Variants in TFAP2D observed in about 807,000 individuals in gnomAD.
TFAP2D encodes transcription factor AP-2-delta.
Under a neutral mutation model 43.6 loss-of-function variants are expected in TFAP2D, and 9 were observed. That is an observed-to-expected ratio of 0.21 (90% CI 0.12 to 0.36). The LOEUF (loss-of-function observed/expected upper bound fraction) is 0.36, where lower values mean the gene tolerates loss of function less well. Among genes scored for constraint, TFAP2D ranks in the 10% least tolerant of loss-of-function variants. The pLI is 1.00. For synonymous variants in TFAP2D, 256 were observed against 224.9 expected (o/e 1.14, Z -1.24); for missense variants, 513 against 561.4 (o/e 0.91, Z 0.87).
intron 1 of TFAP2D, 121 bp downstream of exon 1, chr6:50,714,215 C>T (rs879301725): frequency 1.8e-5 from 19 of 1,050,986 alleles, no homozygotes; most frequent in African/African-American, 3.3e-5. Context: ...TGGACCGTTA[C>T]GTTTAATTAT....
intron 7 of TFAP2D, among the ~76,000 whole-genome samples, chr6:50,755,852 T>C (rs889606518): frequency 5.9e-5 from 9 of 151,908 alleles, no homozygotes; most frequent in Non-Finnish European, 2.9e-5. Context: ...TGGGTAAACA[T>C]GTGTTAGCAT....
chr6:50,746,752 T>C (rs1769129946), intron 6 of TFAP2D, among the ~76,000 whole-genome samples: 1 of 152,194 alleles, frequency 6.6e-6, no homozygotes. Flanking sequence ...GTATATGGGA[T>C]ACTTGCCATC....
chr6:50,715,624 A>T lies in TFAP2D; in HGVS notation c.537+11A>T. 1.3e-6 allele frequency: 2 copies of T among 1,581,924 alleles called. No individual in the cohort carries two copies. The highest frequency in any genetic ancestry group is 2.3e-5 in the East Asian group (1 of 44,382). ...GCAGACGACTTGCAGGTAAATAAGC[A>T]TGCAGCGAATTTGTCTGCTCCCTCC... On this transcript the variant is annotated intron_variant, in intron 2 of 7. Transcript: ENST00000008391.
At chr6:50,763,835 T>C (rs2113893431) in intron 7 of TFAP2D, among the ~76,000 whole-genome samples, 1 of 152,244 alleles carries the variant, frequency 6.6e-6, no homozygotes. Flanking sequence ...AGAGCAGTGA[T>C]TGCCAGGAGC....
intron 3 of TFAP2D, among the ~76,000 whole-genome samples, chr6:50,722,438 T>G (rs1422810758): frequency 6.6e-6 from 1 of 152,128 alleles, no homozygotes; most frequent in Non-Finnish European, 1.5e-5. Flanking sequence ...AGGCATCTCT[T>G]GAAGAAATGA....
chr6:50,773,018 A>T lies in TFAP2D; in HGVS notation c.*154A>T. ...AAAAATGGAAATGAAAAATGAAACA[A>T]AAAAGGACAAAACCAAAAAAAAAAG... On this transcript the variant is annotated 3_prime_UTR_variant, in exon 8 of 8. Coordinates refer to ENST00000008391, the MANE Select transcript of TFAP2D (RefSeq NM_172238.4). The T allele has an allele frequency of 1.4e-6, 1 of 719,992 alleles. No homozygotes were observed. Among genetic ancestry groups the T allele is most frequent in the Non-Finnish European group, 2.2e-6 (1 of 464,864 alleles). 44.6% of individuals were successfully genotyped at this position (719,992 alleles called of 1,614,324 possible).
chr6:50,762,631 C>G (rs1205980810), intron 7 of TFAP2D, among the ~76,000 whole-genome samples: 1 of 152,014 alleles, frequency 6.6e-6, no homozygotes, highest in Non-Finnish European at 1.5e-5. Context: ...ATTGGGAGGT[C>G]TAGCAAAATA....
intron 7 of TFAP2D, among the ~76,000 whole-genome samples, chr6:50,756,947 TC>T (rs1581775640): frequency 6.6e-6 from 1 of 151,636 alleles, no homozygotes. Context: ...CTTAAAATTT[TC>T]CCCTGTTGGT....
intron 5 of TFAP2D, among the ~76,000 whole-genome samples, chr6:50,734,566 G>A (rs1768937315): frequency 6.6e-6 from 1 of 152,056 alleles, no homozygotes; most frequent in African/African-American, 2.4e-5. Flanking sequence ...CTCTGCCTAA[G>A]TCTTAGGAAT....
chr6:50,713,900 T>C lies in TFAP2D; in HGVS notation c.-156T>C. 2 of 1,167,910 alleles carry C rather than the reference T, an allele frequency of 1.7e-6. No individual in the cohort carries two copies. The highest frequency in any genetic ancestry group is 2.5e-6 in the Non-Finnish European group (2 of 811,188). The allele number at this position is 1,167,910 out of a possible 1,614,324, so 72.3% of individuals were successfully genotyped here. A position where few individuals can be genotyped will look rare whatever the true frequency, so the allele number is the denominator to read the frequency against. On this transcript the variant is annotated 5_prime_UTR_variant, in exon 1 of 8. Coordinates refer to ENST00000008391, the MANE Select transcript of TFAP2D (RefSeq NM_172238.4). ...TAAGTGGGTACGAGGCAAGGAGCTA[T>C]CTGATCCGGGCAAAACCATTACAAT...
At chr6:50,754,482 TC>T (rs1581774524) in intron 7 of TFAP2D, among the ~76,000 whole-genome samples, 2 of 152,048 alleles carry the variant, frequency 1.3e-5, no homozygotes. Context: ...TGAAAATATC[TC>T]TTCAAAATCC....
chr6:50,748,396 T>C (rs1581771888), intron 6 of TFAP2D, among the ~76,000 whole-genome samples: 1 of 151,886 alleles, frequency 6.6e-6, no homozygotes, highest in South Asian at 2.1e-4. Context: ...TTATAAAAAA[T>C]ATATATGAAA....
At chr6:50,763,136 G>A (rs1044562698) in intron 7 of TFAP2D, among the ~76,000 whole-genome samples, 2 of 152,036 alleles carry the variant, frequency 1.3e-5, no homozygotes, top group East Asian at 3.9e-4. Context: ...CAACAATTAA[G>A]CTGTCTATCA....
At position 50,772,788 on chromosome 6, in the gene TFAP2D, C is replaced by T; in HGVS notation, c.1283C>T (p.Ala428Val). ...GCGGCGGATTCTGGCCAAGGACATGCCAACTCGGAGAAAGCTCCCCTGCGG... is the reference window on the plus strand; with the variant it reads ...GCGGCGGATTCTGGCCAAGGACATGTCAACTCGGAGAAAGCTCCCCTGCGG... ...GGAADSGQGH[A>V]NSEKAPLRKT... Residue 428 changes from alanine (A) to valine (V), a missense_variant, in exon 8 of 8, where the codon GCC becomes GTC. Coordinates refer to ENST00000008391, the MANE Select transcript of TFAP2D (RefSeq NM_172238.4). 6.2e-7 allele frequency: 1 copy of T among 1,614,068 alleles called. No individual in the cohort carries two copies. Among genetic ancestry groups the T allele is most frequent in the Non-Finnish European group, 8.5e-7 (1 of 1,179,992 alleles).
intron 5 of TFAP2D, among the ~76,000 whole-genome samples, chr6:50,742,701 G>C (rs1024038623): frequency 6.6e-6 from 1 of 151,966 alleles, no homozygotes; most frequent in African/African-American, 2.4e-5. Context: ...ACAATGTGCA[G>C]CTATATTAAT....
intron 7 of TFAP2D, among the ~76,000 whole-genome samples, chr6:50,759,985 ATGCTC>A (rs1446585408): frequency 1.3e-5 from 2 of 151,984 alleles, no homozygotes; most frequent in African/African-American, 4.8e-5. Context: ...GTCCTATGAG[ATGCTC>A]TCTGAAAGCG....
At position 50,770,512 on chromosome 6, in the gene TFAP2D, C is replaced by T. The variant is rs114171715; in HGVS notation, c.1140-2133C>T. Reference sequence around the variant, plus strand: ...TAATGAGGGACATGCAGAAATTTTACCCTCTACCCAGAAAATATACCCAGC... The same window carrying T: ...TAATGAGGGACATGCAGAAATTTTATCCTCTACCCAGAAAATATACCCAGC... On this transcript the variant is annotated intron_variant, in intron 7 of 7. Coordinates refer to ENST00000008391, the MANE Select transcript of TFAP2D (RefSeq NM_172238.4). 5.6e-3 allele frequency among the ~76,000 whole-genome samples: 850 copies of T among 152,028 alleles called. 18 individuals are homozygous for T. The highest frequency in any genetic ancestry group is 0.019 in the African/African-American group (797 of 41,460).
Position 50,715,424 on chromosome 6 carries a change from G to A in TFAP2D, c.348G>A (p.Leu116=). ...HHGEPTDFIN[L]HNARALKSSC... is the part of the protein sequence containing the mutation. ...GGGAGCCCACCGACTTTATTAACCT[G>A]CACAATGCGCGGGCGCTCAAGTCGT... The change falls in exon 2 of 8, where the codon CTG becomes CTA. Residue 116 remains leucine (L), a synonymous_variant. Coordinates refer to ENST00000008391, the MANE Select transcript of TFAP2D (RefSeq NM_172238.4). 6.2e-7 allele frequency: 1 copy of A among 1,614,098 alleles called. No individual in the cohort carries two copies. Among genetic ancestry groups the A allele is most frequent in the Admixed American group, 1.7e-5 (1 of 60,022 alleles).
chr6:50,755,918 A>G (rs957478982), intron 7 of TFAP2D, among the ~76,000 whole-genome samples: 3 of 151,854 alleles, frequency 2.0e-5, no homozygotes, highest in South Asian at 2.1e-4. Flanking sequence ...GAGGTTCTCA[A>G]TCTGTTACCT....
Sources: gnomAD v4.1 joint callset for allele counts (sites outside exome capture counted in the v4.1 genomes callset) on GRCh38, gnomAD v4.1.1 for gene constraint, MANE v1.5 for transcripts, NCBI Gene and HGNC (gene_info 2026-07-23, HGNC 2026-07-21) for gene names.